Variants in ACOD1 observed in about 807,000 individuals in gnomAD.
ACOD1 encodes the protein cis-aconitate decarboxylase.
A neutral mutation model predicts 14.2 loss-of-function variants in ACOD1; 14 were observed. That is an observed-to-expected ratio of 0.99 (90% confidence interval 0.65 to 1.54). The LOEUF is 1.54. Ranked by LOEUF, ACOD1 falls within the 40% of genes most tolerant of loss-of-function variation. ACOD1 has a pLI of 0.00. For missense variants in ACOD1, 530 were observed against 586.3 expected (o/e 0.90, Z 0.99); for synonymous variants, 182 against 221.7 (o/e 0.82, Z 1.59).
intron 4 of ACOD1, 65 bp downstream of exon 4, chr13:76,955,589 C>T (rs780950642): frequency 3.5e-6 from 5 of 1,410,878 alleles, no homozygotes; most frequent in Admixed American, 2.0e-5. Flanking sequence ...TCATTATCTC[C>T]GTAGAGCTTT....
intron 1 of ACOD1, among the ~76,000 whole-genome samples, 186 bp downstream of exon 1, chr13:76,948,756 G>A (rs1004618494): frequency 5.9e-5 from 9 of 152,186 alleles, no homozygotes; most frequent in Non-Finnish European, 1.3e-4. Flanking sequence ...TGAGATACAT[G>A]ATTCTATTGT....
chr13:76,957,107 A>G lies in ACOD1; in HGVS notation c.568A>G (p.Ile190Val), dbSNP rs1375183522. The change falls in exon 5 of 5, where the codon ATT (isoleucine) becomes GTT (valine). Residue 190 changes from isoleucine (I) to valine (V), a missense_variant. By Grantham distance (29) the Ile-to-Val change is conservative. Coordinates refer to ENST00000377462, the MANE Select transcript of ACOD1 (RefSeq NM_001258406.2). ...GACAAAGTGCCGAGAAGCTCTGGCC[A>G]TTGCTGTTTCCCATGCTGGGGCACC... ...SSTKCREALAIAVSHAGAPMA... is the reference protein window; with the variant it reads ...SSTKCREALAVAVSHAGAPMA... 6.4e-7 allele frequency: 1 copy of G among 1,550,644 alleles called. No homozygotes were observed. The highest frequency in any genetic ancestry group is 2.0e-5 in the Admixed American group (1 of 51,014).
chr13:76,955,780 T>C (rs1326763514), intron 4 of ACOD1, among the ~76,000 whole-genome samples: 2 of 152,232 alleles, frequency 1.3e-5, no homozygotes, highest in Non-Finnish European at 2.9e-5. Flanking sequence ...CTGGCATTCA[T>C]GGGTGTACTG....
At chr13:76,948,613 G>A in intron 1 of ACOD1, 43 bp downstream of exon 1, 1 of 1,488,778 alleles carries the variant, frequency 6.7e-7, no homozygotes. Flanking sequence ...TGCTTTTCTA[G>A]CAGACTTCTT....
At chr13:76,951,590 C>A (rs1356038743) in intron 1 of ACOD1, among the ~76,000 whole-genome samples, 2 of 152,142 alleles carry the variant, frequency 1.3e-5, no homozygotes, top group African/African-American at 4.8e-5. Context: ...TATTGAGATG[C>A]TTTATATCCT....
In ACOD1 at chr13:76,957,791, C is replaced by A. The variant is rs2033895300; in HGVS notation, c.1252C>A (p.Leu418Ile). The A allele has an allele frequency of 3.2e-6, 5 of 1,550,844 alleles. No individual in the cohort carries two copies. In the East Asian group the frequency reaches 9.8e-5, roughly 30 times the overall value. Reference protein sequence around the residue: ...HWRKPLSQEDLEEKFRANASK... With the variant: ...HWRKPLSQEDIEEKFRANASK... The stretch of plus-strand genomic sequence containing the variant: ...GAGAAAACCACTGAGCCAGGAGGAC[C>A]TAGAGGAAAAGTTCAGAGCCAATGC... The change falls in exon 5 of 5, where the codon CTA becomes ATA. Residue 418 changes from leucine to isoleucine, a missense_variant. By Grantham distance (5) the Leu-to-Ile change is conservative. Coordinates refer to ENST00000377462, the MANE Select transcript of ACOD1 (RefSeq NM_001258406.2).
chr13:76,956,956 G>A (rs2033882406), intron 4 of ACOD1, 54 bp from the exon 5 acceptor site: 5 of 1,492,818 alleles, frequency 3.3e-6, no homozygotes, highest in East Asian at 2.5e-5. Context: ...ACGCTATCCT[G>A]CCTCCTGGTG....
At position 76,957,701 on chromosome 13, in the gene ACOD1, A is replaced by G. The variant is rs772681999; in HGVS notation, c.1162A>G (p.Ile388Val). Residue 388 changes from isoleucine to valine, a missense_variant, in exon 5 of 5, where the codon ATA (isoleucine) becomes GTA (valine). Physicochemically the swap from Ile to Val is conservative, Grantham distance 29 (BLOSUM62 3). Transcript: ENST00000377462. ...LPSFNILYCE[I>V]SVTLKDGATF... ...AAGCTTCAACATACTGTACTGTGAA[A>G]TAAGTGTCACCCTCAAGGATGGAGC... 2.6e-6 allele frequency: 4 copies of G among 1,550,652 alleles called. No individual in the cohort carries two copies. In the South Asian group the frequency reaches 4.8e-5, roughly 18 times the overall value.
chr13:76,957,425 G>T lies in ACOD1; in HGVS notation c.886G>T (p.Ala296Ser). ...AAASVRKHLV[A>S]ERALLPTDYI... Reference sequence around the variant, plus strand: ...TGCATCTGTGAGAAAGCACCTTGTAGCAGAGAGAGCCCTGCTTCCAACTGA... The same window carrying T: ...TGCATCTGTGAGAAAGCACCTTGTATCAGAGAGAGCCCTGCTTCCAACTGA... The change falls in exon 5 of 5, where the codon GCA (alanine) becomes TCA (serine). Residue 296 changes from alanine to serine, a missense_variant. Ala to Ser is a moderately conservative substitution (Grantham distance 99, BLOSUM62 1). Transcript: ENST00000377462. 6.4e-7 allele frequency: 1 copy of T among 1,550,670 alleles called. No homozygotes were observed. Among genetic ancestry groups the T allele is most frequent in the Non-Finnish European group, 8.7e-7 (1 of 1,147,000 alleles).
chr13:76,954,719 G>A (rs2033854191), intron 3 of ACOD1, among the ~76,000 whole-genome samples: 1 of 152,134 alleles, frequency 6.6e-6, no homozygotes, highest in Non-Finnish European at 1.5e-5. Context: ...ACAGCAGAGG[G>A]AGCTCAGGCC....
At chr13:76,948,652 CCTTTT>C (rs2033792276) in intron 1 of ACOD1, 82 bp downstream of exon 1, 1 of 1,139,494 alleles carries the variant, frequency 8.8e-7, no homozygotes, top group African/African-American at 1.5e-5. Flanking sequence ...GTTGCCCTCT[CCTTTT>C]AAGAACTACC....
intron 4 of ACOD1, among the ~76,000 whole-genome samples, chr13:76,955,837 C>A (rs1263130713): frequency 1.3e-5 from 2 of 152,202 alleles, no homozygotes; most frequent in Non-Finnish European, 2.9e-5. Flanking sequence ...CTGAGACTAG[C>A]TAGCGTCCCT....
intron 3 of ACOD1, among the ~76,000 whole-genome samples, chr13:76,954,358 T>C (rs1472099727): frequency 3.3e-5 from 5 of 152,146 alleles, no homozygotes; most frequent in Non-Finnish European, 5.9e-5. Flanking sequence ...TGACAGCAAA[T>C]AGATATAAAA....
chr13:76,957,354 A>G lies in ACOD1; in HGVS notation c.815A>G (p.Lys272Arg), dbSNP rs1566207373. 3 of 1,550,658 alleles carry G rather than the reference A, an allele frequency of 1.9e-6. No homozygotes were observed. The highest frequency in any genetic ancestry group is 2.6e-6 in the Non-Finnish European group (3 of 1,147,006). Residue 272 changes from lysine (K) to arginine (R), a missense_variant, in exon 5 of 5, where the codon AAG becomes AGG. Transcript: ENST00000377462. ...CTGGACCAGCAGGACGTGGCCTTTA[A>G]GCGTTTTCCTGCACATTTATCTACC... ...WLLDQQDVAF[K>R]RFPAHLSTHW... is the part of the protein sequence containing the mutation.
chr13:76,957,922 C>G lies in ACOD1; in HGVS notation c.1383C>G (p.Pro461=). 6.5e-7 allele frequency: 1 copy of G among 1,549,648 alleles called. No individual in the cohort carries two copies. Among genetic ancestry groups the G allele is most frequent in the Non-Finnish European group, 8.7e-7 (1 of 1,146,588 alleles). ...TGTTAACTACACTTCTCAAAGGACC[C>G]TCTCCACCAGAGGTAGCTTCAAACT... ...CSVLTTLLKG[P]SPPEVASNSP... is the part of the protein sequence containing the mutation. Residue 461 remains proline, a synonymous_variant, in exon 5 of 5, where the codon CCC becomes CCG. Coordinates refer to ENST00000377462, the MANE Select transcript of ACOD1 (RefSeq NM_001258406.2).
chr13:76,957,908 C>A lies in ACOD1; in HGVS notation c.1369C>A (p.Leu457Ile). 1 of 1,550,364 alleles carries A rather than the reference C, an allele frequency of 6.5e-7. No individual in the cohort carries two copies. The highest frequency in any genetic ancestry group is 8.7e-7 in the Non-Finnish European group (1 of 1,146,784). The change falls in exon 5 of 5, where the codon CTT becomes ATT. Residue 457 changes from leucine to isoleucine, a missense_variant. By Grantham distance (5) the Leu-to-Ile change is conservative. Transcript: ENST00000377462. Reference sequence around the variant, plus strand: ...AGAAGACTGTTCTGTGTTAACTACACTTCTCAAAGGACCCTCTCCACCAGA... The same window carrying A: ...AGAAGACTGTTCTGTGTTAACTACAATTCTCAAAGGACCCTCTCCACCAGA... The part of the protein sequence containing the change: ...DLEDCSVLTT[L>I]LKGPSPPEVA...
chr13:76,956,123 C>A (rs1367258567), intron 4 of ACOD1, among the ~76,000 whole-genome samples: 1 of 152,230 alleles, frequency 6.6e-6, no homozygotes, highest in East Asian at 1.9e-4. Context: ...AAAGAACTCA[C>A]TATGTGCTAG....
chr13:76,955,318 G>T lies in ACOD1; in HGVS notation c.265-1G>T, dbSNP rs1477010433. On this transcript the variant is annotated splice_acceptor_variant, in intron 3 of 4. Coordinates refer to ENST00000377462, the MANE Select transcript of ACOD1 (RefSeq NM_001258406.2). LOFTEE classifies it high-confidence loss of function. ...GTTGCTGTTTGTGTCTGTTTATACA[G>T]ATTCACTCCATGGATTTTGATGACA... 1 of 1,549,776 alleles carries T rather than the reference G, an allele frequency of 6.5e-7. No homozygotes were observed. The highest frequency in any genetic ancestry group is 2.4e-5 in the East Asian group (1 of 40,920).
At chr13:76,955,294 T>C (rs1341674998) in intron 3 of ACOD1, 25 bp from the exon 4 acceptor site, 2 of 1,543,202 alleles carry the variant, frequency 1.3e-6, no homozygotes, top group Admixed American at 2.0e-5. Flanking sequence ...AGGCTTTTTG[T>C]TGCTGTTTGT....
Sources: gnomAD v4.1 joint callset for allele counts (sites outside exome capture counted in the v4.1 genomes callset) on GRCh38, gnomAD v4.1.1 for gene constraint, MANE v1.5 for transcripts, NCBI Gene and HGNC (gene_info 2026-07-23, HGNC 2026-07-21) for gene names.